Variants in PPP3R1 observed in about 807,000 individuals in gnomAD.
The protein encoded by PPP3R1 is protein phosphatase 3 regulatory subunit B, alpha.
Under a neutral mutation model 22.6 loss-of-function variants are expected in PPP3R1, and 5 were observed. The ratio of observed to expected loss-of-function variants is 0.22; its 90% confidence interval spans 0.12 to 0.46. The LOEUF (loss-of-function observed/expected upper bound fraction) is 0.46, where lower values mean the gene tolerates loss of function less well. Among genes scored for constraint, PPP3R1 ranks in the 20% least tolerant of loss-of-function variants. The pLI, the probability that PPP3R1 is intolerant of heterozygous loss-of-function variation, is 0.99. For synonymous variants in PPP3R1, 56 were observed against 65.2 expected (o/e 0.86, Z 0.68); for missense variants, 61 against 203.2 (o/e 0.30, Z 4.25).
At chr2:68,236,856 T>C (rs1052952733) in intron 1 of PPP3R1, among the ~76,000 whole-genome samples, 1 of 152,076 alleles carries the variant, frequency 6.6e-6, no homozygotes, top group African/African-American at 2.4e-5. Flanking sequence ...AGGAAAAACC[T>C]CCTATGAGAC....
intron 1 of PPP3R1, among the ~76,000 whole-genome samples, chr2:68,243,565 T>C (rs1308883439): frequency 1.3e-5 from 2 of 152,196 alleles, no homozygotes; most frequent in Non-Finnish European, 2.9e-5. Context: ...CCATGTTATG[T>C]TTAATAAGAT....
At chr2:68,221,973 A>C (rs1669695362) in intron 1 of PPP3R1, among the ~76,000 whole-genome samples, 1 of 152,136 alleles carries the variant, frequency 6.6e-6, no homozygotes, top group Admixed American at 6.5e-5. Context: ...ACAAAAAAAA[A>C]GTCAAAAGAA....
intron 2 of PPP3R1, among the ~76,000 whole-genome samples, chr2:68,203,885 C>T (rs1339072421): frequency 1.3e-5 from 2 of 152,136 alleles, no homozygotes; most frequent in Non-Finnish European, 2.9e-5. Flanking sequence ...GGAGAGGTTC[C>T]TTCAGAGTCT....
At position 68,188,586 on chromosome 2, in the gene PPP3R1, G is replaced by A. The variant is rs1238666263; in HGVS notation, c.148C>T (p.Gln50Ter). The change falls in exon 3 of 6, where the codon CAA (glutamine) becomes TAA (stop). Residue 50 changes from glutamine to a stop codon, truncating the protein, a stop_gained. Transcript: ENST00000234310. LOFTEE classifies it high-confidence loss of function. ...VEEFMSLPEL[Q>*]QNPLVQRVID... The stretch of plus-strand genomic sequence containing the variant: ...ACTCGCTGTACTAAAGGATTCTGTT[G>A]TAACTCAGGCAGAGACATGAACTCT... The A allele has an allele frequency of 6.2e-7, 1 of 1,613,456 alleles. No homozygotes were observed. The highest frequency in any genetic ancestry group is 1.7e-5 in the Admixed American group (1 of 60,008).
chr2:68,181,154 C>T, intron 5 of PPP3R1, 144 bp from the exon 6 acceptor site: 1 of 725,962 alleles, frequency 1.4e-6, no homozygotes, highest in Non-Finnish European at 2.4e-6. Flanking sequence ...CTTTGGAAGG[C>T]CAAGGCAGGT....
intron 3 of PPP3R1, 57 bp from the exon 4 acceptor site, chr2:68,187,371 A>T (rs1674567802): frequency 1.4e-6 from 2 of 1,406,882 alleles, no homozygotes; most frequent in Admixed American, 1.9e-5. Flanking sequence ...TACACAAAAA[A>T]CATATTTACC....
At chr2:68,217,367 C>CA (rs1258417133) in intron 1 of PPP3R1, among the ~76,000 whole-genome samples, 3 of 152,000 alleles carry the variant, frequency 2.0e-5, no homozygotes, top group Admixed American at 2.0e-4. Context: ...AGGATTTATG[C>CA]AAATATTTGA....
At chr2:68,217,309 A>C (rs529040106) in intron 1 of PPP3R1, among the ~76,000 whole-genome samples, 178 bp from the exon 2 acceptor site, 1 of 152,196 alleles carries the variant, frequency 6.6e-6, no homozygotes. Flanking sequence ...ATAATACTGT[A>C]GAAAGAGTTC....
At position 68,180,915 on chromosome 2, in the gene PPP3R1, G is replaced by A. The variant is rs368622412; in HGVS notation, c.*48C>T. On this transcript the variant is annotated 3_prime_UTR_variant, in exon 6 of 6. Coordinates refer to ENST00000234310, the MANE Select transcript of PPP3R1 (RefSeq NM_000945.4). ...GCTGGACGTCTTGAGCAGATCTTCAGAGATGGAGAAGAAAGCAAAAGTGTT... is the reference window on the plus strand; with the variant it reads ...GCTGGACGTCTTGAGCAGATCTTCAAAGATGGAGAAGAAAGCAAAAGTGTT... 7 of 1,541,714 alleles carry A rather than the reference G, an allele frequency of 4.5e-6. No individual in the cohort carries two copies. The African/African-American group carries it at 9.6e-5, about 21-fold the overall frequency.
chr2:68,213,943 A>T (rs1297145698), intron 2 of PPP3R1, among the ~76,000 whole-genome samples: 1 of 152,228 alleles, frequency 6.6e-6, no homozygotes, highest in Non-Finnish European at 1.5e-5. Context: ...ACAGCATGGT[A>T]CTGGTACAAA....
At chr2:68,238,421 GAAGA>G (rs1670056802) in intron 1 of PPP3R1, among the ~76,000 whole-genome samples, 1 of 152,116 alleles carries the variant, frequency 6.6e-6, no homozygotes, top group Non-Finnish European at 1.5e-5. Flanking sequence ...ATTGCCAACA[GAAGA>G]AAGAGTACAA....
At chr2:68,188,119 G>A (rs961570747) in intron 3 of PPP3R1, among the ~76,000 whole-genome samples, 5 of 152,136 alleles carry the variant, frequency 3.3e-5, no homozygotes, top group African/African-American at 1.2e-4. Context: ...GCAGTGAGCC[G>A]AGATTATACC....
chr2:68,204,848 A>G (rs1291592704), intron 2 of PPP3R1, among the ~76,000 whole-genome samples: 1 of 152,230 alleles, frequency 6.6e-6, no homozygotes, highest in Non-Finnish European at 1.5e-5. Flanking sequence ...TCAGTCAACC[A>G]ATTATTTACT....
chr2:68,209,634 T>C (rs1195262569), intron 2 of PPP3R1, among the ~76,000 whole-genome samples: 2 of 151,898 alleles, frequency 1.3e-5, no homozygotes, highest in Non-Finnish European at 2.9e-5. Flanking sequence ...GGTACATGCC[T>C]GTGGTCCCAG....
chr2:68,216,730 C>CG (rs1311647689), intron 2 of PPP3R1, among the ~76,000 whole-genome samples: 1 of 152,160 alleles, frequency 6.6e-6, no homozygotes, highest in Non-Finnish European at 1.5e-5. Context: ...CATTCCAAGA[C>CG]AAGGGAGCCT....
intron 2 of PPP3R1, among the ~76,000 whole-genome samples, chr2:68,196,478 G>T (rs553873364): frequency 3.3e-5 from 5 of 152,128 alleles, no homozygotes; most frequent in Non-Finnish European, 5.9e-5. Context: ...TATTATGACA[G>T]ACTTGAAATA....
chr2:68,203,718 C>T (rs1308795425), intron 2 of PPP3R1, among the ~76,000 whole-genome samples: 2 of 152,136 alleles, frequency 1.3e-5, no homozygotes, highest in Non-Finnish European at 2.9e-5. Flanking sequence ...TGATTAAGAG[C>T]AGACATTAAC....
chr2:68,190,224 T>C (rs1674632755), intron 2 of PPP3R1, among the ~76,000 whole-genome samples: 2 of 147,156 alleles, frequency 1.4e-5, no homozygotes, highest in Non-Finnish European at 3.0e-5. Context: ...ACAGGGATTT[T>C]TCACAGTAAA....
chr2:68,220,973 G>C (rs976903885), intron 1 of PPP3R1, among the ~76,000 whole-genome samples: 1 of 152,136 alleles, frequency 6.6e-6, no homozygotes, highest in African/African-American at 2.4e-5. Flanking sequence ...ATGACATAGA[G>C]GTGGTGGTTG....
Sources: gnomAD v4.1 joint callset for allele counts (sites outside exome capture counted in the v4.1 genomes callset) on GRCh38, gnomAD v4.1.1 for gene constraint, MANE v1.5 for transcripts, NCBI Gene and HGNC (gene_info 2026-07-23, HGNC 2026-07-21) for gene names.